Variants in ADGRL3 observed in about 807,000 individuals in gnomAD.
ADGRL3 encodes the protein calcium-independent alpha-latrotoxin receptor 3.
ADGRL3 carries 62 observed loss-of-function variants against 153.5 expected under a neutral mutation model. The ratio of observed to expected loss-of-function variants is 0.40; its 90% CI spans 0.33 to 0.50. The LOEUF is 0.50. Among genes scored for constraint, ADGRL3 ranks in the 20% least tolerant of loss-of-function variants. The pLI is 0.47. For missense variants in ADGRL3, 1,641 were observed against 1,859.4 expected (o/e 0.88, Z 2.16); for synonymous variants, 710 against 672.5 (o/e 1.06, Z -0.86).
At chr4:61,844,275 C>T (rs948563860) in intron 9 of ADGRL3, among the ~76,000 whole-genome samples, 18 of 150,564 alleles carry the variant, frequency 1.2e-4, no homozygotes, top group South Asian at 4.2e-4. Flanking sequence ...TGGCCAGGCG[C>T]GGTGGCTCAC....
intron 6 of ADGRL3, among the ~76,000 whole-genome samples, chr4:61,692,919 C>T (rs1441298980): frequency 1.3e-5 from 2 of 152,046 alleles, no homozygotes; most frequent in African/African-American, 2.4e-5. Context: ...ATGTGAGCTC[C>T]TACCTTGAAA....
At chr4:61,237,077 C>T (rs368000898) in intron 1 of ADGRL3, among the ~76,000 whole-genome samples, 25 of 152,166 alleles carry the variant, frequency 1.6e-4, no homozygotes, top group African/African-American at 5.8e-4. Flanking sequence ...TTATATTTTA[C>T]ATTATGGTTG....
chr4:62,061,367 T>C (rs528803664), intron 25 of ADGRL3, among the ~76,000 whole-genome samples: 78 of 151,612 alleles, frequency 5.1e-4, no homozygotes, highest in African/African-American at 1.8e-3. Context: ...GTTTCCCTCA[T>C]ATCTTGTGAA....
At chr4:62,020,210 C>T (rs2099231659) in intron 21 of ADGRL3, among the ~76,000 whole-genome samples, 2 of 152,066 alleles carry the variant, frequency 1.3e-5, no homozygotes, top group Admixed American at 6.6e-5. Context: ...GAATTTCACC[C>T]AGTCAGAGCA....
At chr4:61,715,352 T>C (rs1054306277) in intron 6 of ADGRL3, among the ~76,000 whole-genome samples, 5 of 152,158 alleles carry the variant, frequency 3.3e-5, no homozygotes, top group African/African-American at 9.6e-5. Flanking sequence ...TGGGATTTCA[T>C]TCATTTTAAG....
At chr4:61,254,526 C>T (rs1231508505) in intron 1 of ADGRL3, among the ~76,000 whole-genome samples, 1 of 152,068 alleles carries the variant, frequency 6.6e-6, no homozygotes, top group Admixed American at 6.6e-5. Context: ...ACCTGAAAAC[C>T]AGGCATACTC....
Position 61,436,592 on chromosome 4 carries a change from T to G in ADGRL3, c.-174+53403T>G, listed in dbSNP as rs575602705. On this transcript the variant is annotated intron_variant, in intron 2 of 26. Coordinates refer to ENST00000683033, the MANE Select transcript of ADGRL3 (RefSeq NM_001387552.1). ...ACGTGAGCAATGAAATCTGCCAAAG[T>G]TCATAGAGGAAAGAAGTAAATACCA... 4.6e-5 allele frequency among the ~76,000 whole-genome samples: 7 copies of G among 152,202 alleles called. No individual in the cohort carries two copies. In the South Asian group the frequency reaches 1.5e-3, roughly 32 times the overall value.
At position 61,200,445 on chromosome 4, in the gene ADGRL3, C is replaced by G. The variant is rs1003638103; in HGVS notation, c.-1560C>G. 2.0e-5 allele frequency among the ~76,000 whole-genome samples: 3 copies of G among 151,768 alleles called. No homozygotes were observed. Among genetic ancestry groups the G allele is most frequent in the African/African-American group, 7.3e-5 (3 of 41,370 alleles). On this transcript the variant is annotated 5_prime_UTR_variant, in exon 1 of 27. Transcript: ENST00000683033. ...GCCCCCCTCGCCTGCTGGCCCGGCACCGCTCGCTCCAGTTCCCAGGAGCGG... is the reference window on the plus strand; with the variant it reads ...GCCCCCCTCGCCTGCTGGCCCGGCAGCGCTCGCTCCAGTTCCCAGGAGCGG...
chr4:61,855,494 G>A (rs2098252773), intron 9 of ADGRL3, among the ~76,000 whole-genome samples: 1 of 151,862 alleles, frequency 6.6e-6, no homozygotes, highest in African/African-American at 2.4e-5. Context: ...TTTAGTGAGT[G>A]GATTAACTAT....
intron 12 of ADGRL3, 68 bp downstream of exon 12, chr4:61,909,813 G>A (rs1158737228): frequency 1.7e-6 from 2 of 1,183,142 alleles, no homozygotes; most frequent in East Asian, 5.9e-5. Flanking sequence ...CTTTAAAGTT[G>A]TAATAAAATC....
At chr4:61,727,588 A>C (rs2096371405) in intron 6 of ADGRL3, among the ~76,000 whole-genome samples, 1 of 152,106 alleles carries the variant, frequency 6.6e-6, no homozygotes, top group Non-Finnish European at 1.5e-5. Context: ...GGAGTATTTT[A>C]GGCCTGTGTT....
chr4:61,670,021 T>C (rs115030283), intron 5 of ADGRL3, among the ~76,000 whole-genome samples: 2,623 of 152,266 alleles, frequency 0.017, 82 homozygotes, highest in African/African-American at 0.06. Flanking sequence ...TTAGGCTGGG[T>C]GCGGTGGCTC....
In ADGRL3 at chr4:61,935,903, T is replaced by TAC; in HGVS notation, c.2297-19_2297-18insCA. ...AGGTATGTTTCTCAATGAGCACTGA[T>TAC]ATCTCTTTGATATTAACAGAATTGG... On this transcript the variant is annotated intron_variant, in intron 14 of 26. Coordinates refer to ENST00000683033, the MANE Select transcript of ADGRL3 (RefSeq NM_001387552.1). 2 of 1,579,138 alleles carry TAC rather than the reference T, an allele frequency of 1.3e-6. No homozygotes were observed. Among genetic ancestry groups the TAC allele is most frequent in the South Asian group, 2.3e-5 (2 of 86,126 alleles).
intron 11 of ADGRL3, among the ~76,000 whole-genome samples, chr4:61,904,356 C>T (rs1368870409): frequency 2.0e-5 from 3 of 151,856 alleles, no homozygotes; most frequent in Non-Finnish European, 4.4e-5. Flanking sequence ...GCTGTGTTGC[C>T]CAGGCTGGTC....
At chr4:61,341,806 G>A (rs1366386749) in intron 1 of ADGRL3, among the ~76,000 whole-genome samples, 1 of 151,986 alleles carries the variant, frequency 6.6e-6, no homozygotes, top group African/African-American at 2.4e-5. Flanking sequence ...AAACATAGCT[G>A]CAGCAGACAG....
intron 2 of ADGRL3, among the ~76,000 whole-genome samples, chr4:61,474,450 T>G (rs2152700371): frequency 6.6e-6 from 1 of 152,270 alleles, no homozygotes; most frequent in South Asian, 2.1e-4. Flanking sequence ...TGTAGGACAC[T>G]GAGGTAATTT....
chr4:61,622,869 A>G (rs2092610308), intron 5 of ADGRL3, among the ~76,000 whole-genome samples: 1 of 152,144 alleles, frequency 6.6e-6, no homozygotes, highest in Non-Finnish European at 1.5e-5. Flanking sequence ...CTTTCTCCTC[A>G]ATGCCAAGTT....
intron 4 of ADGRL3, among the ~76,000 whole-genome samples, chr4:61,530,832 G>A (rs991780185): frequency 2.0e-5 from 3 of 152,162 alleles, no homozygotes; most frequent in African/African-American, 7.2e-5. Context: ...ACGGAAATTA[G>A]TATAAATGTA....
intron 2 of ADGRL3, among the ~76,000 whole-genome samples, chr4:61,394,710 T>C (rs1303556048): frequency 6.6e-6 from 1 of 152,030 alleles, no homozygotes; most frequent in Non-Finnish European, 1.5e-5. Flanking sequence ...TTGGATTGCT[T>C]GGTTTGGCTT....
Sources: gnomAD v4.1 joint callset for allele counts (sites outside exome capture counted in the v4.1 genomes callset) on GRCh38, gnomAD v4.1.1 for gene constraint, MANE v1.5 for transcripts, NCBI Gene and HGNC (gene_info 2026-07-23, HGNC 2026-07-21) for gene names.